The following GABRB3 variants were observed in gnomAD, a reference collection of about 807,000 sequenced individuals.
GABRB3 encodes the protein gamma-aminobutyric acid receptor subunit beta-3.
A neutral mutation model predicts 52.1 loss-of-function variants in GABRB3; 14 were observed. The observed-to-expected ratio is 0.27, with a 90% CI of 0.18 to 0.42. GABRB3 has a LOEUF of 0.42. GABRB3 is among the 10% of genes least tolerant of loss of function. The pLI is 1.00. For missense variants in GABRB3, 307 were observed against 609.1 expected (o/e 0.50, Z 5.22); for synonymous variants, 260 against 232.3 (o/e 1.12, Z -1.08).
At chr15:26,571,023 T>C (rs184619420) in intron 6 of GABRB3, among the ~76,000 whole-genome samples, 2 of 152,284 alleles carry the variant, frequency 1.3e-5, no homozygotes, top group Admixed American at 6.5e-5. Context: ...TATGACTCTT[T>C]AGTTGAGCTT....
At chr15:26,605,702 A>G (rs1891762236) in intron 4 of GABRB3, among the ~76,000 whole-genome samples, 2 of 152,218 alleles carry the variant, frequency 1.3e-5, no homozygotes, top group South Asian at 4.1e-4. Flanking sequence ...GTTCTCACTT[A>G]TTTGTGAGAT....
intron 3 of GABRB3, among the ~76,000 whole-genome samples, chr15:26,669,745 G>T (rs1348503064): frequency 6.6e-6 from 1 of 151,876 alleles, no homozygotes; most frequent in Non-Finnish European, 1.5e-5. Context: ...TCCTATTTCT[G>T]CTGTCTTTCC....
At chr15:26,561,760 G>A (rs1418660484) in intron 7 of GABRB3, among the ~76,000 whole-genome samples, 2 of 152,204 alleles carry the variant, frequency 1.3e-5, no homozygotes, top group Non-Finnish European at 2.9e-5. Flanking sequence ...CCAGTCCTGA[G>A]CTCAAAGAGA....
At chr15:26,681,143 A>C (rs73370120) in intron 3 of GABRB3, among the ~76,000 whole-genome samples, 4,414 of 149,112 alleles carry the variant, frequency 0.03, 209 homozygotes, top group African/African-American at 0.1. Context: ...AGAAATAAAC[A>C]AACCAACCAA....
chr15:26,657,729 A>G (rs1298971528), intron 3 of GABRB3, among the ~76,000 whole-genome samples: 1 of 152,182 alleles, frequency 6.6e-6, no homozygotes, highest in Non-Finnish European at 1.5e-5. Flanking sequence ...TTATGACAGA[A>G]AAGTCTGACC....
At chr15:26,741,154 T>G (rs1431270189) in intron 3 of GABRB3, among the ~76,000 whole-genome samples, 2 of 152,168 alleles carry the variant, frequency 1.3e-5, no homozygotes, top group Non-Finnish European at 2.9e-5. Flanking sequence ...TACTTCCTTT[T>G]CTTTTTAATC....
intron 3 of GABRB3, among the ~76,000 whole-genome samples, chr15:26,771,596 A>ATCC (rs962289282): frequency 6.6e-6 from 1 of 152,238 alleles, no homozygotes; most frequent in African/African-American, 2.4e-5. Flanking sequence ...TGAAAGGGCC[A>ATCC]TCCTTCTCCT....
At chr15:26,554,367 A>C (rs2140663825) in intron 8 of GABRB3, among the ~76,000 whole-genome samples, 1 of 150,988 alleles carries the variant, frequency 6.6e-6, no homozygotes, top group Admixed American at 6.6e-5. Flanking sequence ...TCTAGTGATA[A>C]CATATAAAAA....
chr15:26,697,930 G>A (rs908827081), intron 3 of GABRB3, among the ~76,000 whole-genome samples: 4 of 152,210 alleles, frequency 2.6e-5, no homozygotes, highest in East Asian at 1.9e-4. Context: ...TTATTTTTCC[G>A]TTGAATTACA....
At chr15:26,627,377 A>ATTATTTTTTTTTTTTTTTTTTTTT (rs376555312) in intron 3 of GABRB3, among the ~76,000 whole-genome samples, 1 of 72,128 alleles carries the variant, frequency 1.4e-5, no homozygotes, top group African/African-American at 3.4e-5. Flanking sequence ...AAGTTTTATT[A>ATTATTTTTTTTTTTTTTTTTTTTT]TTTAAGAAAT....
At chr15:26,739,947 T>C (rs1890159085) in intron 3 of GABRB3, among the ~76,000 whole-genome samples, 2 of 152,178 alleles carry the variant, frequency 1.3e-5, no homozygotes, top group Admixed American at 1.3e-4. Context: ...GCAAGCCTCT[T>C]AACAGAGACC....
intron 4 of GABRB3, among the ~76,000 whole-genome samples, chr15:26,601,413 GA>G (rs35144564): frequency 0.14 from 19,813 of 138,416 alleles, 2,361 homozygotes; most frequent in East Asian, 0.72. Context: ...CCGTCTCAAA[GA>G]AAAAAAAAAA....
chr15:26,570,062 T>C (rs1231454471), intron 6 of GABRB3, among the ~76,000 whole-genome samples: 1 of 152,190 alleles, frequency 6.6e-6, no homozygotes, highest in Non-Finnish European at 1.5e-5. Context: ...TGGCTTTGAG[T>C]GGAGGACACA....
At chr15:26,735,297 T>C (rs1026757241) in intron 3 of GABRB3, among the ~76,000 whole-genome samples, 107 of 152,322 alleles carry the variant, frequency 7.0e-4, no homozygotes, top group African/African-American at 2.5e-3. Flanking sequence ...GATGGGAATG[T>C]AAAATGGTAT....
At chr15:26,639,630 C>A (rs1019329749) in intron 3 of GABRB3, among the ~76,000 whole-genome samples, 2 of 152,280 alleles carry the variant, frequency 1.3e-5, no homozygotes, top group Admixed American at 1.3e-4. Context: ...ATACCCAGTA[C>A]GTGTTAACTT....
intron 3 of GABRB3, among the ~76,000 whole-genome samples, chr15:26,648,050 G>C (rs1887068409): frequency 6.6e-6 from 1 of 152,186 alleles, no homozygotes; most frequent in East Asian, 1.9e-4. Flanking sequence ...GCAGCATTAA[G>C]TACCTTCCCA....
rs11426648 is a variant in GABRB3, at chr15:26,706,438, G to GT, written c.240+65963dup. On this transcript the variant is annotated intron_variant, in intron 3 of 8. Coordinates refer to ENST00000311550, the MANE Select transcript of GABRB3 (RefSeq NM_000814.6). Reference sequence around the variant, plus strand: ...TAGGGCTTTGGAATCAAATTGAGGGGTTTTTTTTTTCTGTTCCTTTTCATT... The same window carrying GT: ...TAGGGCTTTGGAATCAAATTGAGGGGTTTTTTTTTTTCTGTTCCTTTTCATT... Among the ~76,000 whole-genome samples the GT allele has an allele frequency of 7.9e-3, 1,181 of 149,954 alleles. 39 individuals are homozygous for GT. Among genetic ancestry groups the GT allele is most frequent in the Admixed American group, 0.054 (818 of 15,100 alleles).
In GABRB3 at chr15:26,772,693, G is replaced by T; in HGVS notation, c.160C>A (p.Pro54Thr). ...LLKGYDIRLR[P>T]DFGGPPVCVG... is the part of the protein sequence containing the mutation. ...GCAGCCCACTTACCCCCGAAGTCGG[G>T]TCTTAGGCGAATGTCGTAGCCTTTC... The change falls in exon 2 of 9, where the codon CCC becomes ACC. Residue 54 changes from proline (P) to threonine (T), a missense_variant. Physicochemically the swap from Pro to Thr is conservative, Grantham distance 38. Transcript: ENST00000311550. The T allele has an allele frequency of 1.3e-6, 2 of 1,575,838 alleles. No homozygotes were observed. Among genetic ancestry groups the T allele is most frequent in the Non-Finnish European group, 1.7e-6 (2 of 1,161,158 alleles).
chr15:26,640,224 T>C (rs547485943), intron 3 of GABRB3, among the ~76,000 whole-genome samples: 29 of 152,148 alleles, frequency 1.9e-4, no homozygotes, highest in Admixed American at 5.2e-4. Context: ...TGATTTAAAG[T>C]ATCAAAACGT....
Sources: gnomAD v4.1 joint callset for allele counts (sites outside exome capture counted in the v4.1 genomes callset) on GRCh38, gnomAD v4.1.1 for gene constraint, MANE v1.5 for transcripts, NCBI Gene and HGNC (gene_info 2026-07-23, HGNC 2026-07-21) for gene names.